The following ARSG variants were observed in gnomAD, a reference collection of about 807,000 sequenced individuals.
ARSG encodes the protein ASG.
ARSG carries 37 observed loss-of-function variants against 50.5 expected under a neutral mutation model. The ratio of observed to expected loss-of-function variants is 0.73; its 90% confidence interval spans 0.56 to 0.96. ARSG has a LOEUF of 0.96. Ranked by LOEUF, ARSG falls within the 50% of genes least tolerant of loss-of-function variation. ARSG has a pLI of 0.00. For missense variants in ARSG, 629 were observed against 675.3 expected (o/e 0.93, Z 0.76); for synonymous variants, 225 against 254.6 (o/e 0.88, Z 1.11).
chr17:68,267,271 G>A (rs1182514394), intron 1 of ARSG: 2 of 152,108 alleles, frequency 1.3e-5, no homozygotes, highest in Admixed American at 6.5e-5. Context: ...AAAATATGTC[G>A]TAAAGTGCTG....
intron 5 of ARSG, among the ~76,000 whole-genome samples, chr17:68,355,067 T>C (rs937652867): frequency 2.0e-5 from 3 of 152,208 alleles, no homozygotes; most frequent in African/African-American, 7.2e-5. Flanking sequence ...TCTGCATTGC[T>C]CTCAGCTTCT....
chr17:68,450,813 A>G, the ARSG span: 1 of 1,614,108 alleles, frequency 6.2e-7, no homozygotes, highest in African/African-American at 1.3e-5. Flanking sequence ...ATACACGTTC[A>G]TCTGCCGTGG....
At chr17:68,320,547 C>T (rs1016124752) in intron 2 of ARSG, among the ~76,000 whole-genome samples, 1 of 152,282 alleles carries the variant, frequency 6.6e-6, no homozygotes, top group East Asian at 1.9e-4. Flanking sequence ...AGCCCTCACT[C>T]TCCGGGGGGT....
chr17:68,332,250 C>T (rs977567460), intron 2 of ARSG, among the ~76,000 whole-genome samples: 2 of 152,236 alleles, frequency 1.3e-5, no homozygotes, highest in Non-Finnish European at 2.9e-5. Context: ...CGATATTTCT[C>T]CTATTTGCTT....
At chr17:68,392,956 C>T (rs1333325656) in intron 9 of ARSG, among the ~76,000 whole-genome samples, 2 of 152,244 alleles carry the variant, frequency 1.3e-5, no homozygotes, top group African/African-American at 4.8e-5. Context: ...ACCTGTCCCA[C>T]ACTGTTTCCT....
At chr17:68,368,971 GC>G (rs2079688233) in intron 7 of ARSG, among the ~76,000 whole-genome samples, 1 of 152,252 alleles carries the variant, frequency 6.6e-6, no homozygotes, top group Non-Finnish European at 1.5e-5. Flanking sequence ...CAGCCACCTT[GC>G]TGGCCCGTTG....
intron 6 of ARSG, among the ~76,000 whole-genome samples, chr17:68,365,167 A>G (rs2079484362): frequency 6.6e-6 from 1 of 152,108 alleles, no homozygotes; most frequent in Non-Finnish European, 1.5e-5. Context: ...AAAATTAGCC[A>G]GGTGTGGTGG....
intron 1 of ARSG, chr17:68,272,818 C>G (rs1555749502): frequency 6.2e-7 from 1 of 1,603,062 alleles, no homozygotes; most frequent in Non-Finnish European, 8.5e-7. Flanking sequence ...CTGCTTGAGA[C>G]TGGAAGGATG....
intron 2 of ARSG, among the ~76,000 whole-genome samples, chr17:68,311,560 T>C (rs1407723220): frequency 6.6e-6 from 1 of 152,156 alleles, no homozygotes; most frequent in Non-Finnish European, 1.5e-5. Flanking sequence ...GGGTGGGTCC[T>C]AAATCCAGTG....
chr17:68,394,958 C>G lies in ARSG; in HGVS notation c.1092-115C>G, dbSNP rs915511389. On this transcript the variant is annotated intron_variant, in intron 9 of 11. Transcript: ENST00000621439. ...AAGCAGGTAGAGAAGTTAAGCCAGC[C>G]CATAGGAGAGGCTGTGGGTGCTTGC... 92 of 1,463,412 alleles carry G rather than the reference C, an allele frequency of 6.3e-5. No individual in the cohort carries two copies. The South Asian group carries it at 9.0e-4, about 14-fold the overall frequency. The allele number at this position is 1,463,412 out of a possible 1,614,324, so 90.7% of individuals were successfully genotyped here.
At chr17:68,351,831 A>G in intron 5 of ARSG, 145 bp downstream of exon 5, 1 of 627,284 alleles carries the variant, frequency 1.6e-6, no homozygotes, top group South Asian at 1.9e-5. Context: ...GCAAATTTAA[A>G]TGTGTTATTT....
intron 6 of ARSG, among the ~76,000 whole-genome samples, chr17:68,366,418 C>T (rs1348605543): frequency 6.6e-6 from 1 of 152,116 alleles, no homozygotes; most frequent in African/African-American, 2.4e-5. Context: ...CCAGGCACTG[C>T]CCTGTGCAGG....
At chr17:68,292,190 T>C (rs1360481047) in intron 1 of ARSG, among the ~76,000 whole-genome samples, 1 of 151,806 alleles carries the variant, frequency 6.6e-6, no homozygotes. Context: ...GCGAAAGGAA[T>C]GTGAGCAGCC....
intron 5 of ARSG, among the ~76,000 whole-genome samples, chr17:68,352,984 C>T (rs553615595): frequency 6.6e-6 from 1 of 152,174 alleles, no homozygotes; most frequent in Non-Finnish European, 1.5e-5. Context: ...TCTAAGGCTA[C>T]AGTTGTCTGA....
chr17:68,449,490 C>T, the ARSG span, among the ~76,000 whole-genome samples: 1 of 152,206 alleles, frequency 6.6e-6, no homozygotes, highest in African/African-American at 2.4e-5. Context: ...CCCCAAATCT[C>T]ATGTCGAATT....
chr17:68,342,813 T>G (rs150609236), intron 2 of ARSG, among the ~76,000 whole-genome samples: 1 of 152,216 alleles, frequency 6.6e-6, no homozygotes, highest in African/African-American at 2.4e-5. Context: ...CTAAATACAC[T>G]GTGAGGACAT....
At chr17:68,340,289 T>G (rs1040542371) in intron 2 of ARSG, among the ~76,000 whole-genome samples, 11 of 150,940 alleles carry the variant, frequency 7.3e-5, no homozygotes, top group East Asian at 5.8e-4. Context: ...ATTGTTCTTT[T>G]TGTGTGTGTG....
intron 1 of ARSG, among the ~76,000 whole-genome samples, chr17:68,269,649 T>TATA (rs1159640079): frequency 2.0e-5 from 3 of 147,726 alleles, no homozygotes; most frequent in Non-Finnish European, 3.0e-5. Flanking sequence ...GGAACTGTAT[T>TATA]ATTTTCACTT....
chr17:68,439,320 T>A, the ARSG span, among the ~76,000 whole-genome samples: 1 of 152,198 alleles, frequency 6.6e-6, no homozygotes, highest in African/African-American at 2.4e-5. Context: ...TATTGATACA[T>A]GCTACAACAC....
Sources: allele counts gnomAD v4.1 joint callset (sites outside exome capture counted in the v4.1 genomes callset), GRCh38; gene constraint gnomAD v4.1.1; transcripts MANE v1.5; gene names NCBI Gene and HGNC (gene_info 2026-07-23, HGNC 2026-07-21).